Variants in IFT140 observed in about 807,000 individuals in gnomAD.
IFT140 encodes the protein intraflagellar transport protein 140 homolog.
A neutral mutation model predicts 164.6 loss-of-function variants in IFT140; 133 were observed. That is an observed-to-expected ratio of 0.81 (90% confidence interval 0.70 to 0.93). The LOEUF (loss-of-function observed/expected upper bound fraction) is 0.93. Among genes scored for constraint, IFT140 ranks in the 40% least tolerant of loss-of-function variants. The pLI is 0.00. For synonymous variants in IFT140, 860 were observed against 817.3 expected, an observed-to-expected ratio of 1.05 and a Z score of -0.89; for missense variants, 2,045 against 1,972.3, an observed-to-expected ratio of 1.04 and a Z score of -0.70.
chr16:1,524,204 G>C (rs897050029), intron 24 of IFT140: 8 of 621,442 alleles, frequency 1.3e-5, no homozygotes, highest in Middle Eastern at 4.3e-4. Context: ...TTCTGGAAGC[G>C]AGAGCCCAGG....
intron 4 of IFT140, among the ~76,000 whole-genome samples, chr16:1,594,817 G>A (rs111279672): frequency 2.0e-5 from 3 of 152,280 alleles, no homozygotes; most frequent in African/African-American, 4.8e-5. Flanking sequence ...CCGCTCAGAC[G>A]CCAAGCACTC....
At chr16:1,593,369 T>C (rs2141930274) in intron 4 of IFT140, among the ~76,000 whole-genome samples, 1 of 151,892 alleles carries the variant, frequency 6.6e-6, no homozygotes, top group Middle Eastern at 3.4e-3. Flanking sequence ...TGGAGTTCAG[T>C]GGTGTGGTCT....
intron 11 of IFT140, among the ~76,000 whole-genome samples, 165 bp from the exon 12 acceptor site, chr16:1,583,551 G>C (rs2034694306): frequency 6.7e-6 from 1 of 149,780 alleles, no homozygotes; most frequent in South Asian, 2.1e-4. Flanking sequence ...GGCTGAGGCT[G>C]TTTTCCGTGT....
chr16:1,538,773 C>T (rs943414184), intron 19 of IFT140, among the ~76,000 whole-genome samples: 3 of 152,200 alleles, frequency 2.0e-5, no homozygotes, highest in Non-Finnish European at 2.9e-5. Context: ...GTGGACAGGA[C>T]GCCCTCAAAA....
At chr16:1,599,746 T>A (rs1596456402) in intron 4 of IFT140, among the ~76,000 whole-genome samples, 1 of 54,654 alleles carries the variant, frequency 1.8e-5, no homozygotes, top group Admixed American at 1.4e-4. Context: ...GGAGCCCCTC[T>A]GCCCGGCCAG....
intron 8 of IFT140, 39 bp from the exon 9 acceptor site, chr16:1,587,343 T>C (rs189182266): frequency 7.7e-7 from 1 of 1,304,078 alleles, no homozygotes; most frequent in African/African-American, 1.5e-5. Context: ...AGGGCCTGTG[T>C]TAGTGGCGTT....
chr16:1,516,156 A>AAAAAAAAAAAAAAAAAAAAAAAAAAAAC, intron 30 of IFT140, among the ~76,000 whole-genome samples: 1 of 131,096 alleles, frequency 7.6e-6, no homozygotes, highest in Non-Finnish European at 1.6e-5. Flanking sequence ...AAAAAAAAAA[A>AAAAAAAAAAAAAAAAAAAAAAAAAAAAC]AAAAAAAAAA....
At chr16:1,572,551 CAGG>C (rs1186458070) in intron 13 of IFT140, among the ~76,000 whole-genome samples, 2 of 152,182 alleles carry the variant, frequency 1.3e-5, no homozygotes, top group South Asian at 2.1e-4. Flanking sequence ...GAGGCTGAGG[CAGG>C]AGAATGGTGT....
intron 6 of IFT140, among the ~76,000 whole-genome samples, chr16:1,591,031 T>C (rs1446815166): frequency 6.6e-6 from 1 of 152,162 alleles, no homozygotes; most frequent in East Asian, 1.9e-4. Context: ...GTTCTAAGCA[T>C]CTTTACGATA....
chr16:1,519,996 C>T lies in IFT140; in HGVS notation c.3925G>A (p.Glu1309Lys), dbSNP rs756142477. 34 of 1,604,868 alleles carry T rather than the reference C, an allele frequency of 2.1e-5. No homozygotes were observed. The highest frequency in any genetic ancestry group is 3.3e-4 in the Middle Eastern group (2 of 5,996). The change falls in exon 29 of 31, where the codon GAG (glutamate) becomes AAG (lysine). Residue 1309 changes from glutamate (E) to lysine (K), a missense_variant. Physicochemically the swap from Glu to Lys is moderately conservative, Grantham distance 56. Transcript: ENST00000426508. Reference sequence around the variant, plus strand: ...GCCTTGGCCAGGCACTTGTAGGCCTCGGTCAGCGCCCCGTGGGCTTTGTCG... The same window carrying T: ...GCCTTGGCCAGGCACTTGTAGGCCTTGGTCAGCGCCCCGTGGGCTTTGTCG... Reference protein sequence around the residue: ...NYDKAHGALTEAYKCLAKAKA... With the variant: ...NYDKAHGALTKAYKCLAKAKA...
In IFT140 at chr16:1,519,999, T is replaced by C. The variant is rs1218013606; in HGVS notation, c.3922A>G (p.Thr1308Ala). ...TTGGCCAGGCACTTGTAGGCCTCGGTCAGCGCCCCGTGGGCTTTGTCGTAG... is the reference window on the plus strand; with the variant it reads ...TTGGCCAGGCACTTGTAGGCCTCGGCCAGCGCCCCGTGGGCTTTGTCGTAG... Reference protein sequence around the residue: ...QNYDKAHGALTEAYKCLAKAK... With the variant: ...QNYDKAHGALAEAYKCLAKAK... The change falls in exon 29 of 31, where the codon ACC becomes GCC. Residue 1308 changes from threonine (T) to alanine (A), a missense_variant. Coordinates refer to ENST00000426508, the MANE Select transcript of IFT140 (RefSeq NM_014714.4). 1 of 1,605,054 alleles carries C rather than the reference T, an allele frequency of 6.2e-7. No homozygotes were observed.
chr16:1,551,113 T>C lies in IFT140; in HGVS notation c.2399+6822A>G, dbSNP rs921673734. 2.1e-4 allele frequency among the ~76,000 whole-genome samples: 32 copies of C among 152,224 alleles called. No homozygotes were observed. The highest frequency in any genetic ancestry group is 7.2e-4 in the African/African-American group (30 of 41,454). On this transcript the variant is annotated intron_variant, in intron 19 of 30. Coordinates refer to ENST00000426508, the MANE Select transcript of IFT140 (RefSeq NM_014714.4). The surrounding 1 kb of genome is among the most constrained non-coding windows in gnomAD (Gnocchi z 4.0). ...CAGCTCCACACTGCATTCTGTTCTG[T>C]TTCACGTCTACTTTGGTCTCCTCAA... is the stretch of plus-strand genomic sequence containing the variant.
At chr16:1,546,400 G>C (rs997216504) in intron 19 of IFT140, among the ~76,000 whole-genome samples, 18 of 152,300 alleles carry the variant, frequency 1.2e-4, no homozygotes, top group African/African-American at 4.3e-4. Context: ...TTCTGCTCCT[G>C]GCTCTGCCCC....
At chr16:1,600,989 G>A (rs1349852528) in intron 4 of IFT140, among the ~76,000 whole-genome samples, 1 of 151,984 alleles carries the variant, frequency 6.6e-6, no homozygotes, top group Non-Finnish European at 1.5e-5. Context: ...CTAGCCAGAC[G>A]TGGTAGCTCA....
intron 30 of IFT140, among the ~76,000 whole-genome samples, chr16:1,511,581 G>A (rs543820073): frequency 6.6e-6 from 1 of 152,018 alleles, no homozygotes; most frequent in African/African-American, 2.4e-5. Flanking sequence ...TTTGGCTTGG[G>A]TATTTTTTTT....
In IFT140 at chr16:1,608,972, G is replaced by A. The variant is rs2036212541; in HGVS notation, c.-31-1675C>T. On this transcript the variant is annotated intron_variant, in intron 2 of 30. Transcript: ENST00000426508. Reference sequence around the variant, plus strand: ...AGATCGAGACCATCCTGGACAACATGATGAAACCTCTTCTCTACTAAAAAA... The same window carrying A: ...AGATCGAGACCATCCTGGACAACATAATGAAACCTCTTCTCTACTAAAAAA... 2.0e-5 allele frequency among the ~76,000 whole-genome samples: 3 copies of A among 152,286 alleles called. No individual in the cohort carries two copies. In the South Asian group the frequency reaches 6.2e-4, roughly 32 times the overall value.
At chr16:1,520,554 CCTAA>C (rs2040492711) in intron 27 of IFT140, 44 bp downstream of exon 27, 1 of 1,520,960 alleles carries the variant, frequency 6.6e-7, no homozygotes, top group African/African-American at 1.4e-5. Context: ...GGGCCCGCAG[CCTAA>C]CTGCCTGTGA....
At chr16:1,598,267 G>C (rs890197886) in intron 4 of IFT140, among the ~76,000 whole-genome samples, 5 of 152,172 alleles carry the variant, frequency 3.3e-5, no homozygotes, top group African/African-American at 1.2e-4. Flanking sequence ...GACCATCCTG[G>C]CTAACACAGT....
intron 18 of IFT140, among the ~76,000 whole-genome samples, chr16:1,558,706 G>C (rs571061277): frequency 2.2e-4 from 34 of 152,318 alleles, no homozygotes; most frequent in African/African-American, 8.2e-4. Flanking sequence ...CCCTTCCTCC[G>C]TGGGGCAGGG....
Sources: allele counts gnomAD v4.1 joint callset (sites outside exome capture counted in the v4.1 genomes callset), GRCh38; gene constraint gnomAD v4.1.1; non-coding constraint Gnocchi (gnomAD v3.1); transcripts MANE v1.5; gene names NCBI Gene and HGNC (gene_info 2026-07-23, HGNC 2026-07-21).